The following NOTCH1 variants were observed in gnomAD, a reference collection of about 807,000 sequenced individuals.
NOTCH1 encodes the protein neurogenic locus notch homolog protein 1.
A neutral mutation model predicts 254.8 loss-of-function variants in NOTCH1; 37 were observed. The observed-to-expected ratio is 0.15, with a 90% CI of 0.11 to 0.19. The LOEUF (loss-of-function observed/expected upper bound fraction) is 0.19. NOTCH1 is among the 10% of genes least tolerant of loss of function. The pLI is 1.00. For missense variants in NOTCH1, 2,972 were observed against 3,708.6 expected (o/e 0.80, Z 5.16); for synonymous variants, 1,731 against 1,618.1 (o/e 1.07, Z -1.68).
intron 2 of NOTCH1, among the ~76,000 whole-genome samples, chr9:136,525,055 C>A (rs1328937511): frequency 2.0e-5 from 3 of 152,206 alleles, no homozygotes; most frequent in Non-Finnish European, 2.9e-5. Flanking sequence ...AGCCCCCAGA[C>A]ACGTTTCCCT....
chr9:136,513,218 T>C lies in NOTCH1; in HGVS notation c.2354-84A>G. On this transcript the variant is annotated intron_variant, in intron 14 of 33. Transcript: ENST00000651671. This position sits in a 1 kb window ranked among gnomAD's most constrained non-coding sequence, Gnocchi z 4.7. ...CCCACAACAGCAGCCCTGGGCCTGC[T>C]CCCCACCCCAGGCCCCTCCTCATCT... is the stretch of plus-strand genomic sequence containing the variant. 3.5e-6 allele frequency: 5 copies of C among 1,427,018 alleles called. No individual in the cohort carries two copies. The highest frequency in any genetic ancestry group is 4.9e-6 in the Non-Finnish European group (5 of 1,016,582). The allele number at this position is 1,427,018 out of a possible 1,614,324, so 88.4% of individuals were successfully genotyped here.
rs2133351317 is a variant in NOTCH1 at position 136,509,932 on chromosome 9, C to T, written c.2770G>A (p.Asp924Asn). 6.2e-7 allele frequency: 1 copy of T among 1,613,288 alleles called. No individual in the cohort carries two copies. Among genetic ancestry groups the T allele is most frequent in the South Asian group, 1.1e-5 (1 of 91,090 alleles). The change falls in exon 18 of 34, where the codon GAC becomes AAC. Residue 924 changes from aspartate to asparagine, a missense_variant. Coordinates refer to ENST00000651671, the MANE Select transcript of NOTCH1 (RefSeq NM_017617.5). ...NPCHNGGSCT[D>N]GINTAFCDCL... ...TCGCAGAAGGCCGTGTTGATGCCGT[C>T]TGTGCAGGAGCCCCCGTTGTGACAC...
rs1456295895 is a variant in NOTCH1 at position 136,514,497 on chromosome 9, C to A, written c.2207+13G>T. On this transcript the variant is annotated intron_variant, in intron 13 of 33. Transcript: ENST00000651671. ...AGGACTGATGTGTCCCCATGATCGG[C>A]CCCGCCGCATACCCGTTGAGGCTGT... 6.4e-7 allele frequency: 1 copy of A among 1,559,780 alleles called. No homozygotes were observed. Among genetic ancestry groups the A allele is most frequent in the Non-Finnish European group, 8.7e-7 (1 of 1,153,380 alleles).
intron 7 of NOTCH1, 45 bp from the exon 8 acceptor site, chr9:136,517,982 C>G (rs1343387534): frequency 6.3e-7 from 1 of 1,598,026 alleles, no homozygotes; most frequent in Non-Finnish European, 8.5e-7. Flanking sequence ...GCACCCTGGC[C>G]CCTGCAACAC....
At chr9:136,522,810 G>A (rs761210279) in intron 4 of NOTCH1, 40 bp downstream of exon 4, 49 of 1,442,336 alleles carry the variant, frequency 3.4e-5, no homozygotes, top group Middle Eastern at 2.5e-4. Context: ...CCTGGCAGCC[G>A]GGGAGGGGCT....
Position 136,512,394 on chromosome 9 carries a change from C to T in NOTCH1, c.2467+627G>A, listed in dbSNP as rs1589063850. ...TGCCCGCTCCTGGGGAGCGCCAGGACCCCGGTGCTTGTGGACTCTTCTTTG... is the reference window on the plus strand; with the variant it reads ...TGCCCGCTCCTGGGGAGCGCCAGGATCCCGGTGCTTGTGGACTCTTCTTTG... On this transcript the variant is annotated intron_variant, in intron 15 of 33. Coordinates refer to ENST00000651671, the MANE Select transcript of NOTCH1 (RefSeq NM_017617.5). 3.3e-5 allele frequency among the ~76,000 whole-genome samples: 5 copies of T among 152,202 alleles called. No individual in the cohort carries two copies. The South Asian group carries it at 1.0e-3, about 31-fold the overall frequency.
intron 2 of NOTCH1, among the ~76,000 whole-genome samples, chr9:136,542,085 G>A (rs995742222): frequency 5.3e-5 from 8 of 152,198 alleles, no homozygotes; most frequent in Non-Finnish European, 7.3e-5. Context: ...AGTGTTTTGC[G>A]GCCCTGTGGC....
rs748138179 is a variant in NOTCH1, at chr9:136,497,426, T to C, written c.6313A>G (p.Met2105Val). 32 of 1,611,944 alleles carry C rather than the reference T, an allele frequency of 2.0e-5. No individual in the cohort carries two copies. Among genetic ancestry groups the C allele is most frequent in the African/African-American group, 2.7e-5 (2 of 74,926 alleles). Reference sequence around the variant, plus strand: ...AGCAGCCTCACGATGTCGTGATGCATGCGCTCCTGTGCGATGTCGCGCGGC... The same window carrying C: ...AGCAGCCTCACGATGTCGTGATGCACGCGCTCCTGTGCGATGTCGCGCGGC... ...RLPRDIAQER[M>V]HHDIVRLLDE... is the part of the protein sequence containing the mutation. Residue 2105 changes from methionine to valine, a missense_variant, in exon 34 of 34, where the codon ATG becomes GTG. Met to Val is a conservative substitution (Grantham distance 21). Around this residue, in one of 8 missense-constraint regions of NOTCH1, gnomAD observed 529 missense variants for 529.2 expected, o/e 1.00. Coordinates refer to ENST00000651671, the MANE Select transcript of NOTCH1 (RefSeq NM_017617.5).
chr9:136,515,363 G>A lies in NOTCH1; in HGVS notation c.1941C>T (p.Ser647=), dbSNP rs2133362697. ...GACAGGTGCCCGAGTCGCAGGGGCT[G>A]CTGGCACAGTCATCCAGGTTGATCT... ...NCEINLDDCA[S]SPCDSGTCLD... The change falls in exon 12 of 34, where the codon AGC becomes AGT. Residue 647 remains serine, a synonymous_variant. Transcript: ENST00000651671. The A allele has an allele frequency of 6.2e-7, 1 of 1,613,068 alleles. No homozygotes were observed. Among genetic ancestry groups the A allele is most frequent in the Non-Finnish European group, 8.5e-7 (1 of 1,179,996 alleles).
At chr9:136,520,028 G>T (rs767287719) in intron 4 of NOTCH1, among the ~76,000 whole-genome samples, 2 of 152,130 alleles carry the variant, frequency 1.3e-5, no homozygotes, top group Non-Finnish European at 2.9e-5. Flanking sequence ...CAGGGAAGCT[G>T]CAGAGATTCA....
intron 2 of NOTCH1, among the ~76,000 whole-genome samples, chr9:136,537,364 A>G (rs1242408322): frequency 6.6e-6 from 1 of 152,224 alleles, no homozygotes; most frequent in Non-Finnish European, 1.5e-5. Flanking sequence ...CAGGGGCAAA[A>G]GACCACCTAT....
chr9:136,534,594 C>T (rs764938346), intron 2 of NOTCH1, among the ~76,000 whole-genome samples: 1 of 152,106 alleles, frequency 6.6e-6, no homozygotes, highest in Non-Finnish European at 1.5e-5. Flanking sequence ...CAAGTGAGGC[C>T]GGGTGAGTGT....
intron 18 of NOTCH1, 119 bp from the exon 19 acceptor site, chr9:136,509,190 ACAGGCCCAGGGCAGCCTGGCTGACC>A (rs1843138457): frequency 9.5e-7 from 1 of 1,054,920 alleles, no homozygotes; most frequent in East Asian, 2.6e-5. Context: ...GATGGCCAGG[ACAGGCCCAGGGCAGCCTGGCTGACC>A]CAGGGAGGCC....
chr9:136,537,380 A>C (rs1297606280), intron 2 of NOTCH1, among the ~76,000 whole-genome samples: 1 of 152,212 alleles, frequency 6.6e-6, no homozygotes, highest in Non-Finnish European at 1.5e-5. Context: ...CCTATGGCAC[A>C]ATTCCATTCA....
At chr9:136,509,132 A>G in intron 18 of NOTCH1, 61 bp from the exon 19 acceptor site, 2 of 1,457,358 alleles carry the variant, frequency 1.4e-6, no homozygotes, top group Non-Finnish European at 1.9e-6. Context: ...CCGCTCCAGC[A>G]GATTCTGCCT....
chr9:136,506,023 A>C lies in NOTCH1; in HGVS notation c.4015-142T>G. On this transcript the variant is annotated intron_variant, in intron 24 of 33. Coordinates refer to ENST00000651671, the MANE Select transcript of NOTCH1 (RefSeq NM_017617.5). The surrounding 1 kb of genome is among the most constrained non-coding windows in gnomAD (Gnocchi z 4.5). Reference sequence around the variant, plus strand: ...CTGCAACCTTGCCCCCAGCAGCAAAACCCTTTACACACATTCTACCAACAG... The same window carrying C: ...CTGCAACCTTGCCCCCAGCAGCAAACCCCTTTACACACATTCTACCAACAG... The C allele has an allele frequency of 1.4e-6, 1 of 690,910 alleles. No individual in the cohort carries two copies. Among genetic ancestry groups the C allele is most frequent in the Non-Finnish European group, 2.4e-6 (1 of 418,442 alleles). The allele number at this position is 690,910 out of a possible 1,614,324, so 42.8% of individuals were successfully genotyped here.
At position 136,497,236 on chromosome 9, in the gene NOTCH1, C is replaced by A. The variant is rs1055326153; in HGVS notation, c.6503G>T (p.Cys2168Phe). 3 of 1,612,520 alleles carry A rather than the reference C, an allele frequency of 1.9e-6. No homozygotes were observed. The highest frequency in any genetic ancestry group is 1.1e-5 in the South Asian group (1 of 91,090). Reference protein sequence around the residue: ...VRKPSSKGLACGSKEAKDLKA... With the variant: ...VRKPSSKGLAFGSKEAKDLKA... The stretch of plus-strand genomic sequence containing the variant: ...GAGGTCCTTGGCCTCCTTGCTTCCA[C>A]AGGCCAGGCCTTTGCTGCTGGGCTT... The change falls in exon 34 of 34, where the codon TGT becomes TTT. Residue 2168 changes from cysteine (C) to phenylalanine (F), a missense_variant. By Grantham distance (205) the Cys-to-Phe change is radical (BLOSUM62 -2). This residue lies in a region of NOTCH1 where 529 missense variants were observed against 529.2 expected (regional missense o/e 1.00). Coordinates refer to ENST00000651671, the MANE Select transcript of NOTCH1 (RefSeq NM_017617.5).
At position 136,513,198 on chromosome 9, in the gene NOTCH1, A is replaced by C; in HGVS notation, c.2354-64T>G. ...CCCAGGCACCTTGGCAGGGCCCCACAACAGCAGCCCTGGGCCTGCTCCCCA... is the reference window on the plus strand; with the variant it reads ...CCCAGGCACCTTGGCAGGGCCCCACCACAGCAGCCCTGGGCCTGCTCCCCA... On this transcript the variant is annotated intron_variant, in intron 14 of 33. Coordinates refer to ENST00000651671, the MANE Select transcript of NOTCH1 (RefSeq NM_017617.5). The surrounding 1 kb of genome is among the most constrained non-coding windows in gnomAD (Gnocchi z 4.7). 6.7e-7 allele frequency: 1 copy of C among 1,482,962 alleles called. No individual in the cohort carries two copies. Among genetic ancestry groups the C allele is most frequent in the South Asian group, 1.1e-5 (1 of 88,174 alleles). The allele number at this position is 1,482,962 out of a possible 1,614,324, so 91.9% of individuals were successfully genotyped here. A position where few individuals can be genotyped will look rare whatever the true frequency, so the allele number is the denominator to read the frequency against.
chr9:136,503,440 A>T, intron 26 of NOTCH1, 110 bp from the exon 27 acceptor site: 8 of 1,494,504 alleles, frequency 5.4e-6, no homozygotes, highest in East Asian at 2.4e-5. Context: ...CAGTCAGGAC[A>T]TGGTGAGGCA....
Sources: allele counts gnomAD v4.1 joint callset (sites outside exome capture counted in the v4.1 genomes callset), GRCh38; gene constraint gnomAD v4.1.1; regional missense constraint gnomAD v4.1.1; non-coding constraint Gnocchi (gnomAD v3.1); transcripts MANE v1.5; gene names NCBI Gene and HGNC (gene_info 2026-07-23, HGNC 2026-07-21).